Variants in SPTLC3 observed in about 807,000 individuals in gnomAD.
SPTLC3 encodes the protein serine palmitoyltransferase long chain base subunit 3, also known as serine palmitoyltransferase 3.
In SPTLC3, 36 loss-of-function variants were observed where a neutral mutation model predicts 59.3. That is an observed-to-expected ratio of 0.61 (90% confidence interval 0.47 to 0.80). The LOEUF (loss-of-function observed/expected upper bound fraction) is 0.80, where lower values mean the gene tolerates loss of function less well. SPTLC3 is among the 30% of genes least tolerant of loss of function. SPTLC3 has a pLI of 0.00. For synonymous variants in SPTLC3, 257 were observed against 240.8 expected, an observed-to-expected ratio of 1.07 and a Z score of -0.62; for missense variants, 625 against 685.1, an observed-to-expected ratio of 0.91 and a Z score of 0.98.
At chr20:13,115,124 A>G (rs1263979318) in intron 7 of SPTLC3, among the ~76,000 whole-genome samples, 1 of 152,210 alleles carries the variant, frequency 6.6e-6, no homozygotes, top group Non-Finnish European at 1.5e-5. Flanking sequence ...TGTTTTCTGT[A>G]TCATTTTTGG....
chr20:13,150,030 T>G (rs985878470), intron 9 of SPTLC3, among the ~76,000 whole-genome samples: 4 of 152,204 alleles, frequency 2.6e-5, no homozygotes, highest in African/African-American at 9.7e-5. Flanking sequence ...GCAAAAGTGC[T>G]GAATGCACAC....
At chr20:13,153,285 A>G (rs769743455) in intron 9 of SPTLC3, among the ~76,000 whole-genome samples, 5 of 152,134 alleles carry the variant, frequency 3.3e-5, no homozygotes, top group Non-Finnish European at 7.4e-5. Flanking sequence ...ACTGGGACAC[A>G]CACTTAGGAC....
chr20:13,063,755 A>G (rs1988065499), intron 2 of SPTLC3, among the ~76,000 whole-genome samples: 1 of 149,660 alleles, frequency 6.7e-6, no homozygotes, highest in South Asian at 2.1e-4. Flanking sequence ...CATGGGTTCA[A>G]GTGATTCTAG....
chr20:13,026,256 G>A (rs1986139572), intron 1 of SPTLC3, among the ~76,000 whole-genome samples: 1 of 152,204 alleles, frequency 6.6e-6, no homozygotes, highest in African/African-American at 2.4e-5. Flanking sequence ...TAATGGGATT[G>A]CTGCGTTGAG....
At position 13,018,593 on chromosome 20, in the gene SPTLC3, A is replaced by AGT. The variant is rs149744110; in HGVS notation, c.117+9217_117+9218dup. Among the ~76,000 whole-genome samples the AGT allele has an allele frequency of 6.6e-5, 10 of 152,308 alleles. No individual in the cohort carries two copies. In the East Asian group the frequency reaches 1.9e-3, roughly 29 times the overall value. On this transcript the variant is annotated intron_variant, in intron 1 of 11. Transcript: ENST00000399002. The stretch of plus-strand genomic sequence containing the variant: ...TATGAAGAAATAGTTGACTCAATAA[A>AGT]GTGTGTGTGCTCAGGTGTTTCATTG...
chr20:13,110,314 CT>C, intron 7 of SPTLC3, 97 bp downstream of exon 7: 1 of 1,032,356 alleles, frequency 9.7e-7, no homozygotes, highest in Non-Finnish European at 1.4e-6. Context: ...AGAGAAATGA[CT>C]TAGAATTGGT....
At chr20:13,139,889 C>G (rs1458777213) in intron 9 of SPTLC3, among the ~76,000 whole-genome samples, 1 of 152,212 alleles carries the variant, frequency 6.6e-6, no homozygotes, top group Non-Finnish European at 1.5e-5. Context: ...ATATGGATCT[C>G]TCCTCCTTTT....
intron 3 of SPTLC3, chr20:13,074,027 G>C: frequency 1.6e-6 from 1 of 634,048 alleles, no homozygotes; most frequent in Non-Finnish European, 3.1e-6. Flanking sequence ...ATCCAGTCAA[G>C]CTCTGGAGCT....
intron 4 of SPTLC3, among the ~76,000 whole-genome samples, chr20:13,075,251 C>A (rs2122578297): frequency 6.6e-6 from 1 of 152,244 alleles, no homozygotes; most frequent in Admixed American, 6.5e-5. Flanking sequence ...AATAACCAAC[C>A]TAATTCCCAG....
intron 1 of SPTLC3, among the ~76,000 whole-genome samples, chr20:13,010,738 A>G (rs1203411207): frequency 6.6e-6 from 1 of 152,164 alleles, no homozygotes; most frequent in Non-Finnish European, 1.5e-5. Context: ...TGTAACTCAC[A>G]AGCTATTCAT....
chr20:13,010,557 C>G (rs1159916940), intron 1 of SPTLC3, among the ~76,000 whole-genome samples: 1 of 152,158 alleles, frequency 6.6e-6, no homozygotes, highest in African/African-American at 2.4e-5. Context: ...CTATCAGAAA[C>G]CTCAGAACTG....
intron 4 of SPTLC3, among the ~76,000 whole-genome samples, chr20:13,085,018 T>C (rs1227335308): frequency 6.6e-6 from 1 of 152,148 alleles, no homozygotes; most frequent in East Asian, 1.9e-4. Flanking sequence ...TGATCTAATA[T>C]TTGCTAATGC....
chr20:13,074,923 G>T (rs775374948), intron 4 of SPTLC3, among the ~76,000 whole-genome samples: 11 of 152,156 alleles, frequency 7.2e-5, no homozygotes, highest in South Asian at 2.1e-4. Flanking sequence ...CTGAATAAAT[G>T]AATGAATGGA....
chr20:13,146,818 C>T (rs565511975), intron 9 of SPTLC3, among the ~76,000 whole-genome samples: 4 of 152,284 alleles, frequency 2.6e-5, no homozygotes, highest in Non-Finnish European at 4.4e-5. Context: ...ATGGAATTCA[C>T]GCCTCATCAT....
intron 9 of SPTLC3, among the ~76,000 whole-genome samples, chr20:13,126,939 G>A (rs528713519): frequency 2.6e-5 from 4 of 152,306 alleles, no homozygotes; most frequent in Admixed American, 1.3e-4. Flanking sequence ...AGCAAATTTC[G>A]ATAATTTTGT....
At chr20:13,139,093 T>TCCTC (rs2038320211) in intron 9 of SPTLC3, among the ~76,000 whole-genome samples, 1 of 152,176 alleles carries the variant, frequency 6.6e-6, no homozygotes, top group Non-Finnish European at 1.5e-5. Context: ...ACATTTTCCA[T>TCCTC]CCTCCCTCCT....
intron 9 of SPTLC3, among the ~76,000 whole-genome samples, chr20:13,147,612 G>A (rs963665816): frequency 2.0e-5 from 3 of 152,168 alleles, no homozygotes; most frequent in African/African-American, 7.2e-5. Flanking sequence ...GACCACTGCA[G>A]GCATTCTTTA....
chr20:13,026,639 G>C (rs1037839844), intron 1 of SPTLC3, among the ~76,000 whole-genome samples: 4 of 152,118 alleles, frequency 2.6e-5, no homozygotes, highest in Non-Finnish European at 4.4e-5. Flanking sequence ...CTGAATAGTA[G>C]AGTATAATAA....
rs117834089 is a variant in SPTLC3 at position 13,098,209 on chromosome 20, A to C, written c.826+4632A>C. Reference sequence around the variant, plus strand: ...AATTGTATGAGAATACCCTATTCTTAAAGGGGAGAATACCCTATTCTTAAA... The same window carrying C: ...AATTGTATGAGAATACCCTATTCTTCAAGGGGAGAATACCCTATTCTTAAA... On this transcript the variant is annotated intron_variant, in intron 6 of 11. Transcript: ENST00000399002. Among the ~76,000 whole-genome samples the C allele has an allele frequency of 2.3e-3, 348 of 152,310 alleles. 3 individuals are homozygous for C. Among genetic ancestry groups the C allele is most frequent in the East Asian group, 0.019 (98 of 5,178 alleles).
Sources: gnomAD v4.1 joint callset for allele counts (sites outside exome capture counted in the v4.1 genomes callset) on GRCh38, gnomAD v4.1.1 for gene constraint, MANE v1.5 for transcripts, NCBI Gene and HGNC (gene_info 2026-07-23, HGNC 2026-07-21) for gene names.